The following SDCCAG8 variants were observed in gnomAD, a reference collection of about 807,000 sequenced individuals.
The protein encoded by SDCCAG8 is serologically defined colon cancer antigen 8.
Under a neutral mutation model 101.8 loss-of-function variants are expected in SDCCAG8, and 74 were observed. The ratio of observed to expected loss-of-function variants is 0.73; its 90% CI spans 0.60 to 0.88. The LOEUF (loss-of-function observed/expected upper bound fraction) is 0.88. Among genes scored for constraint, SDCCAG8 ranks in the 40% least tolerant of loss-of-function variants. SDCCAG8 has a pLI of 0.00. For synonymous variants in SDCCAG8, 281 were observed against 292.9 expected (o/e 0.96, Z 0.41); for missense variants, 787 against 822.6 (o/e 0.96, Z 0.53).
intron 4 of SDCCAG8, among the ~76,000 whole-genome samples, chr1:243,279,883 C>G (rs1283557485): frequency 6.6e-6 from 1 of 152,020 alleles, no homozygotes; most frequent in Non-Finnish European, 1.5e-5. Context: ...AATGTTTTCA[C>G]TTGGTTCGGG....
chr1:243,372,381 A>G (rs886632799), intron 12 of SDCCAG8, among the ~76,000 whole-genome samples: 10 of 152,112 alleles, frequency 6.6e-5, no homozygotes, highest in African/African-American at 2.2e-4. Flanking sequence ...TTTAAGTCAC[A>G]TAATGTTTAC....
At chr1:243,461,348 T>C (rs1659068826) in intron 16 of SDCCAG8, among the ~76,000 whole-genome samples, 4 of 152,232 alleles carry the variant, frequency 2.6e-5, no homozygotes, top group African/African-American at 7.2e-5. Flanking sequence ...GGAGAGTACA[T>C]TGGGTCACTC....
At chr1:243,279,106 A>C (rs1378451791) in intron 4 of SDCCAG8, among the ~76,000 whole-genome samples, 1 of 152,040 alleles carries the variant, frequency 6.6e-6, no homozygotes, top group Non-Finnish European at 1.5e-5. Flanking sequence ...TTATTTTTTT[A>C]ATTGTCTTAT....
chr1:243,330,502 A>C (rs1202581227), intron 9 of SDCCAG8, 38 bp from the exon 10 acceptor site: 1 of 1,613,092 alleles, frequency 6.2e-7, no homozygotes, highest in Admixed American at 1.7e-5. Flanking sequence ...TTTTTTCCAA[A>C]TTCTAACCTC....
rs186487382 is a variant in SDCCAG8 at position 243,420,950 on chromosome 1, C to T, written c.1853+2874C>T. Among the ~76,000 whole-genome samples, 390 of 152,238 alleles carry T rather than the reference C, an allele frequency of 2.6e-3. 4 individuals carry two copies. Among genetic ancestry groups the T allele is most frequent in the African/African-American group, 8.9e-3 (369 of 41,524 alleles). On this transcript the variant is annotated intron_variant, in intron 15 of 17. Coordinates refer to ENST00000366541, the MANE Select transcript of SDCCAG8 (RefSeq NM_006642.5). ...ATGTAGTAAACTCTGAAGAAGCCCTCCAGGAGTGTGCCTCTGCATACCCCA... is the reference window on the plus strand; with the variant it reads ...ATGTAGTAAACTCTGAAGAAGCCCTTCAGGAGTGTGCCTCTGCATACCCCA...
intron 6 of SDCCAG8, among the ~76,000 whole-genome samples, chr1:243,296,535 C>CTTTTTTTTTTTTTTTTTTTTTTT (rs756242066): frequency 1.7e-5 from 1 of 57,944 alleles, no homozygotes; most frequent in Non-Finnish European, 2.8e-5. Context: ...CCCAACTGCT[C>CTTTTTTTTTTTTTTTTTTTTTTT]TTTTTTTTTT....
chr1:243,411,094 CTTTAA>C (rs1212452244), intron 13 of SDCCAG8, among the ~76,000 whole-genome samples: 3 of 152,032 alleles, frequency 2.0e-5, no homozygotes, highest in Non-Finnish European at 2.9e-5. Context: ...TTTGCTCCTC[CTTTAA>C]TTTATTTATT....
At chr1:243,443,724 G>A (rs1467921946) in intron 16 of SDCCAG8, among the ~76,000 whole-genome samples, 1 of 152,104 alleles carries the variant, frequency 6.6e-6, no homozygotes, top group Non-Finnish European at 1.5e-5. Flanking sequence ...GAATAAATTT[G>A]GCTTCCGCTT....
At chr1:243,415,882 AC>A (rs2080545731) in intron 14 of SDCCAG8, 53 bp downstream of exon 14, 5 of 1,600,480 alleles carry the variant, frequency 3.1e-6, no homozygotes, top group Non-Finnish European at 4.3e-6. Flanking sequence ...AGTCAGGCCC[AC>A]GCCTTACTGT....
chr1:243,456,818 T>C (rs2997496), intron 16 of SDCCAG8, among the ~76,000 whole-genome samples: 6,431 of 152,284 alleles, frequency 0.042, 492 homozygotes, highest in African/African-American at 0.15. Flanking sequence ...TATTGTAGAA[T>C]TGGGATGGAA....
intron 17 of SDCCAG8, among the ~76,000 whole-genome samples, chr1:243,490,955 A>T (rs1460352737): frequency 6.6e-6 from 1 of 152,232 alleles, no homozygotes; most frequent in Non-Finnish European, 1.5e-5. Flanking sequence ...GTCTCCTGGC[A>T]GGTGACTAGG....
At chr1:243,488,645 G>C (rs1174820663) in intron 16 of SDCCAG8, among the ~76,000 whole-genome samples, 1 of 152,218 alleles carries the variant, frequency 6.6e-6, no homozygotes, top group African/African-American at 2.4e-5. Flanking sequence ...CCCAGCCGGG[G>C]CGGCCGTCTG....
At chr1:243,336,873 T>C (rs2075048540) in intron 10 of SDCCAG8, among the ~76,000 whole-genome samples, 1 of 152,188 alleles carries the variant, frequency 6.6e-6, no homozygotes, top group African/African-American at 2.4e-5. Context: ...AATTGTTTAC[T>C]TTCTTTATAG....
chr1:243,425,230 G>A (rs185698964), intron 15 of SDCCAG8, among the ~76,000 whole-genome samples: 79 of 152,184 alleles, frequency 5.2e-4, no homozygotes, highest in Non-Finnish European at 8.7e-4. Context: ...TAAATTATAA[G>A]CTAATGTATG....
chr1:243,346,220 T>G (rs890736255), intron 12 of SDCCAG8: 1 of 154,408 alleles, frequency 6.5e-6, no homozygotes, highest in Non-Finnish European at 1.5e-5. Context: ...TGACCTGACC[T>G]TCTGTCTGTG....
chr1:243,419,876 C>CT (rs1287222895), intron 15 of SDCCAG8, among the ~76,000 whole-genome samples: 2 of 152,204 alleles, frequency 1.3e-5, no homozygotes, highest in African/African-American at 4.8e-5. Flanking sequence ...CCTAGGCCCT[C>CT]TTTTTCCTCC....
intron 16 of SDCCAG8, among the ~76,000 whole-genome samples, chr1:243,441,989 A>C (rs1353426089): frequency 6.6e-6 from 1 of 152,216 alleles, no homozygotes; most frequent in Non-Finnish European, 1.5e-5. Flanking sequence ...TATTAGTACT[A>C]TCAGCTCTCT....
intron 8 of SDCCAG8, among the ~76,000 whole-genome samples, chr1:243,308,398 T>C (rs2072377500): frequency 6.6e-6 from 1 of 152,260 alleles, no homozygotes; most frequent in South Asian, 2.1e-4. Context: ...CATGCCACTT[T>C]GAACAGATAA....
intron 16 of SDCCAG8, among the ~76,000 whole-genome samples, chr1:243,479,724 G>C (rs959027475): frequency 1.3e-5 from 2 of 152,148 alleles, no homozygotes; most frequent in African/African-American, 4.8e-5. Flanking sequence ...ACTGACGCCA[G>C]AGTATTTTAG....
Sources: allele counts gnomAD v4.1 joint callset (sites outside exome capture counted in the v4.1 genomes callset), GRCh38; gene constraint gnomAD v4.1.1; transcripts MANE v1.5; gene names NCBI Gene and HGNC (gene_info 2026-07-23, HGNC 2026-07-21).